PTPRG: variants seen among roughly 807,000 people sequenced by gnomAD.
PTPRG encodes receptor-type tyrosine-protein phosphatase gamma.
PTPRG carries 102 observed loss-of-function variants against 165.3 expected under a neutral mutation model. That is an observed-to-expected ratio of 0.62 (90% CI 0.53 to 0.73). PTPRG has a LOEUF of 0.73. PTPRG is among the 30% of genes least tolerant of loss of function. The pLI is 0.00. For synonymous variants in PTPRG, 675 were observed against 669.5 expected (o/e 1.01, Z -0.13); for missense variants, 1,866 against 1,861.4 (o/e 1.00, Z -0.05).
At chr3:61,569,637 T>G (rs1700008808) in intron 1 of PTPRG, among the ~76,000 whole-genome samples, 1 of 152,172 alleles carries the variant, frequency 6.6e-6, no homozygotes, top group South Asian at 2.1e-4. Flanking sequence ...TAAGTGTTCT[T>G]AAGAGATTTG....
intron 2 of PTPRG, among the ~76,000 whole-genome samples, chr3:61,859,654 G>A (rs2037207376): frequency 6.6e-6 from 1 of 151,544 alleles, no homozygotes; most frequent in Admixed American, 6.6e-5. Flanking sequence ...TTATTTATGA[G>A]CAAGGAACTT....
intron 2 of PTPRG, chr3:61,753,684 C>A (rs1424343576): frequency 4.5e-5 from 19 of 421,378 alleles, no homozygotes; most frequent in Non-Finnish European, 4.2e-5. Flanking sequence ...CCCCCTGCTT[C>A]CTGAGTTCAA....
chr3:61,618,696 CT>C (rs1451630746), intron 1 of PTPRG, among the ~76,000 whole-genome samples: 1 of 152,018 alleles, frequency 6.6e-6, no homozygotes, highest in East Asian at 1.9e-4. Context: ...TTCTTAAGGC[CT>C]TTTTAAACAA....
chr3:61,925,152 A>T (rs1465961138), intron 2 of PTPRG, among the ~76,000 whole-genome samples: 1 of 152,270 alleles, frequency 6.6e-6, no homozygotes. Flanking sequence ...AATCATAAAT[A>T]GTACACAAAT....
At chr3:61,710,958 T>G (rs1209759740) in intron 1 of PTPRG, among the ~76,000 whole-genome samples, 1 of 152,042 alleles carries the variant, frequency 6.6e-6, no homozygotes, top group African/African-American at 2.4e-5. Flanking sequence ...TGTGTGATGT[T>G]CCCCTCCCTG....
intron 1 of PTPRG, among the ~76,000 whole-genome samples, chr3:61,735,994 GC>G (rs1362601208): frequency 6.7e-6 from 1 of 150,074 alleles, no homozygotes; most frequent in African/African-American, 2.5e-5. Flanking sequence ...TGCAACCTCC[GC>G]CTCCTGGGTT....
chr3:61,683,986 A>T (rs990330552), intron 1 of PTPRG, among the ~76,000 whole-genome samples: 2 of 152,210 alleles, frequency 1.3e-5, no homozygotes, highest in African/African-American at 2.4e-5. Context: ...TCCCAGCTCC[A>T]TGGTACCGTA....
intron 2 of PTPRG, among the ~76,000 whole-genome samples, chr3:61,909,595 C>G (rs2038750005): frequency 6.6e-6 from 1 of 152,018 alleles, no homozygotes; most frequent in Admixed American, 6.5e-5. Flanking sequence ...AAGCAGTTCT[C>G]TTGCCTCAGC....
Position 61,688,853 on chromosome 3 carries a change from TA to T in PTPRG, c.86-60024del, listed in dbSNP as rs556331582. Among the ~76,000 whole-genome samples the T allele has an allele frequency of 7.3e-4, 111 of 152,322 alleles. 1 individual carries two copies. The highest frequency in any genetic ancestry group is 2.6e-3 in the African/African-American group (110 of 41,576). On this transcript the variant is annotated intron_variant, in intron 1 of 29. Coordinates refer to ENST00000474889, the MANE Select transcript of PTPRG (RefSeq NM_002841.4). ...GCCTTGTCAGTAGAAGAAGCTTAGA[TA>T]GGGCGGCTTGACCTTGGCTGACTTG...
intron 1 of PTPRG, among the ~76,000 whole-genome samples, chr3:61,609,301 C>A (rs1328576063): frequency 6.6e-6 from 1 of 152,154 alleles, no homozygotes; most frequent in African/African-American, 2.4e-5. Context: ...TTTCCTGTTC[C>A]ATTTCTACGT....
At chr3:61,977,603 T>C (rs1369820494) in intron 2 of PTPRG, among the ~76,000 whole-genome samples, 1 of 152,194 alleles carries the variant, frequency 6.6e-6, no homozygotes, top group Non-Finnish European at 1.5e-5. Flanking sequence ...AGCTTTTTTT[T>C]TCACAGAATG....
At chr3:61,631,268 A>C (rs1351513005) in intron 1 of PTPRG, among the ~76,000 whole-genome samples, 1 of 152,132 alleles carries the variant, frequency 6.6e-6, no homozygotes, top group Non-Finnish European at 1.5e-5. Context: ...CTGATCTGTT[A>C]AATTTAGTAC....
intron 2 of PTPRG, among the ~76,000 whole-genome samples, chr3:61,795,588 C>G (rs866248714): frequency 6.9e-5 from 9 of 130,880 alleles, no homozygotes; most frequent in Non-Finnish European, 9.4e-5. Flanking sequence ...TGCAGTGAGC[C>G]GAGATCGTGC....
chr3:61,702,806 G>C (rs547098123), intron 1 of PTPRG, among the ~76,000 whole-genome samples: 84 of 152,282 alleles, frequency 5.5e-4, no homozygotes, highest in African/African-American at 1.8e-3. Flanking sequence ...AAATTCACAC[G>C]TGATGTTGTG....
chr3:62,147,225 T>C (rs1435506481), intron 6 of PTPRG, among the ~76,000 whole-genome samples: 1 of 152,188 alleles, frequency 6.6e-6, no homozygotes, highest in Non-Finnish European at 1.5e-5. Flanking sequence ...GGAGGCAAAC[T>C]GAAGCAAATC....
intron 2 of PTPRG, among the ~76,000 whole-genome samples, chr3:61,755,090 C>T (rs895969721): frequency 6.6e-6 from 1 of 152,112 alleles, no homozygotes; most frequent in Non-Finnish European, 1.5e-5. Context: ...TCACTGCAAC[C>T]TCCGCCTCCT....
intron 1 of PTPRG, among the ~76,000 whole-genome samples, chr3:61,626,281 G>A (rs1701606520): frequency 6.6e-6 from 1 of 152,092 alleles, no homozygotes; most frequent in Non-Finnish European, 1.5e-5. Context: ...AAAAAGAAAG[G>A]CTGTGTTTTG....
At chr3:62,134,777 G>T (rs1300014733) in intron 6 of PTPRG, among the ~76,000 whole-genome samples, 1 of 152,172 alleles carries the variant, frequency 6.6e-6, no homozygotes, top group Non-Finnish European at 1.5e-5. Context: ...CAAATAGTAG[G>T]TACTCAGTAT....
At chr3:62,047,620 C>T (rs983351016) in intron 4 of PTPRG, among the ~76,000 whole-genome samples, 3 of 152,154 alleles carry the variant, frequency 2.0e-5, no homozygotes, top group East Asian at 1.9e-4. Context: ...TACAGACTTG[C>T]ATGAAGTTCA....
Sources: allele counts gnomAD v4.1 joint callset (sites outside exome capture counted in the v4.1 genomes callset), GRCh38; gene constraint gnomAD v4.1.1; transcripts MANE v1.5; gene names NCBI Gene and HGNC (gene_info 2026-07-23, HGNC 2026-07-21).